The following BOD1L1 variants were observed in gnomAD, a reference collection of about 807,000 sequenced individuals.
BOD1L1 encodes biorientation of chromosomes in cell division 1 like 1, also known as biorientation of chromosomes in cell division protein 1-like 1.
In BOD1L1, 86 loss-of-function variants were observed where a neutral mutation model predicts 240.7. The observed-to-expected ratio is 0.36, with a 90% CI of 0.30 to 0.43. The LOEUF (loss-of-function observed/expected upper bound fraction) is 0.43. BOD1L1 is among the 20% of genes least tolerant of loss of function. The probability of loss-of-function intolerance (pLI) is 1.00; values close to 1 mark genes in which losing one functional copy is unlikely to be tolerated. For missense variants in BOD1L1, 3,554 were observed against 3,643.5 expected, an observed-to-expected ratio of 0.98 and a Z score of 0.63; for synonymous variants, 1,268 against 1,272.3, an observed-to-expected ratio of 1.00 and a Z score of 0.07.
At position 13,597,253 on chromosome 4, in the gene BOD1L1, T is replaced by C. The variant is rs1714702272; in HGVS notation, c.7955-85A>G. Reference sequence around the variant, plus strand: ...GTCAAAAAGTAATGGAATGTGGTTATCTGACATGCTGTTGCACCTTCCTTT... The same window carrying C: ...GTCAAAAAGTAATGGAATGTGGTTACCTGACATGCTGTTGCACCTTCCTTT... On this transcript the variant is annotated intron_variant, in intron 10 of 25. Coordinates refer to ENST00000040738, the MANE Select transcript of BOD1L1 (RefSeq NM_148894.3). 12 of 994,240 alleles carry C rather than the reference T, an allele frequency of 1.2e-5. No individual in the cohort carries two copies. In the South Asian group the frequency reaches 1.3e-4, roughly 10 times the overall value. 61.6% of individuals were successfully genotyped at this position (994,240 alleles called of 1,614,324 possible). A position where few individuals can be genotyped will look rare whatever the true frequency, so the allele number is the denominator to read the frequency against.
chr4:13,625,256 C>A (rs1178947604), intron 1 of BOD1L1: 1 of 152,202 alleles, frequency 6.6e-6, no homozygotes, highest in Non-Finnish European at 1.5e-5. Flanking sequence ...GGTTCCTGAA[C>A]TCACTGAAAC....
At chr4:13,612,813 G>C (rs558392610) in intron 5 of BOD1L1, among the ~76,000 whole-genome samples, 1 of 152,114 alleles carries the variant, frequency 6.6e-6, no homozygotes, top group Non-Finnish European at 1.5e-5. Context: ...ACCTCTAGAG[G>C]GGGTAGAGAC....
At chr4:13,588,438 C>G (rs900606898) in intron 15 of BOD1L1, among the ~76,000 whole-genome samples, 6 of 152,118 alleles carry the variant, frequency 3.9e-5, no homozygotes, top group African/African-American at 1.4e-4. Context: ...TATTTTTCTA[C>G]TGTCTTAGTG....
intron 25 of BOD1L1, among the ~76,000 whole-genome samples, chr4:13,574,388 T>G (rs1473431496): frequency 6.6e-6 from 1 of 152,040 alleles, no homozygotes; most frequent in Non-Finnish European, 1.5e-5. Flanking sequence ...GAATCTAAAC[T>G]AGAGAGAAAA....
Position 13,614,334 on chromosome 4 carries a change from AT to A in BOD1L1, c.1035del (p.Lys345AsnfsTer25), listed in dbSNP as rs1560215056. ...KKEKKEKTEK[K>X]FDHSKKSEDT... Reference sequence around the variant, plus strand: ...TCTTCACTCTTTTTTGAGTGATCAAATTTCTTTTCAGTCTTTTCCTTCTTTT... The same window carrying A: ...TCTTCACTCTTTTTTGAGTGATCAAATTCTTTTCAGTCTTTTCCTTCTTTT... On this transcript the variant is annotated frameshift_variant, in exon 4 of 26. Transcript: ENST00000040738. LOFTEE classifies it high-confidence loss of function. The A allele has an allele frequency of 6.5e-7, 1 of 1,550,096 alleles. No homozygotes were observed. Among genetic ancestry groups the A allele is most frequent in the African/African-American group, 1.4e-5 (1 of 72,772 alleles).
At chr4:13,589,278 T>A (rs1234466685) in intron 14 of BOD1L1, among the ~76,000 whole-genome samples, 1 of 152,202 alleles carries the variant, frequency 6.6e-6, no homozygotes, top group African/African-American at 2.4e-5. Context: ...GAGGTGCCTA[T>A]AACTGAGCAA....
In BOD1L1 at chr4:13,603,512, T is replaced by G. The variant is rs531101348; in HGVS notation, c.3388A>C (p.Asn1130His). Reference sequence around the variant, plus strand: ...TGGGTTTTAGATACTTCAAACACATTTTCAACACCTGGCTCAGAATCAATT... The same window carrying G: ...TGGGTTTTAGATACTTCAAACACATGTTCAACACCTGGCTCAGAATCAATT... The part of the protein sequence containing the change: ...MEIDSEPGVE[N>H]VFEVSKTQDN... Residue 1130 changes from asparagine to histidine, a missense_variant, in exon 10 of 26, where the codon AAT (asparagine) becomes CAT (histidine). Coordinates refer to ENST00000040738, the MANE Select transcript of BOD1L1 (RefSeq NM_148894.3). 6.2e-7 allele frequency: 1 copy of G among 1,614,020 alleles called. No individual in the cohort carries two copies. Among genetic ancestry groups the G allele is most frequent in the South Asian group, 1.1e-5 (1 of 91,080 alleles).
chr4:13,586,393 T>C lies in BOD1L1; in HGVS notation c.8433+3A>G. ...ACTTAAAACTAATATGTGGAAAAAA[T>C]ACCTTTGTGTCATGTGGCTCCGTTT... On this transcript the variant is annotated splice_donor_region_variant and intron_variant, in intron 17 of 25. Coordinates refer to ENST00000040738, the MANE Select transcript of BOD1L1 (RefSeq NM_148894.3). 6.2e-7 allele frequency: 1 copy of C among 1,605,486 alleles called. No individual in the cohort carries two copies. Among genetic ancestry groups the C allele is most frequent in the Non-Finnish European group, 8.5e-7 (1 of 1,174,072 alleles).
At chr4:13,588,203 GA>G (rs987953363) in intron 15 of BOD1L1, among the ~76,000 whole-genome samples, 29 of 140,440 alleles carry the variant, frequency 2.1e-4, no homozygotes, top group Non-Finnish European at 3.3e-4. Context: ...AAAAAAAAAA[GA>G]AAAAAAAATC....
In BOD1L1 at chr4:13,627,511, G is replaced by A. The variant is rs1354437668; in HGVS notation, c.77C>T (p.Pro26Leu). Residue 26 changes from proline to leucine, a missense_variant, in exon 1 of 26, where the codon CCG (proline) becomes CTG (leucine). Pro to Leu is a moderately conservative substitution (Grantham distance 98). This residue lies in a region of BOD1L1 where 161 missense variants were observed against 216.4 expected (regional missense o/e 0.74). Transcript: ENST00000040738. ...AGCCCCGGGGCCCGGCGGCGGCGGC[G>A]GTGGCTGCGGCTGCGGCTGCGGCGG... ...PPPPQPQPQP[P>L]PPPPGPGAGP... 10 of 1,037,720 alleles carry A rather than the reference G, an allele frequency of 9.6e-6. No individual in the cohort carries two copies. The highest frequency in any genetic ancestry group is 1.2e-5 in the Non-Finnish European group (10 of 864,140). The allele number at this position is 1,037,720 out of a possible 1,614,324, so 64.3% of individuals were successfully genotyped here.
rs772652673 is a variant in BOD1L1, at chr4:13,614,495, T to G, written c.875A>C (p.Asn292Thr). The stretch of plus-strand genomic sequence containing the variant: ...TAAATTATTATGCTCTTTTGTGTAA[T>G]TTTTAATTTCTTCGACTGGACAGGG... ...DLPCPVEEIK[N>T]YTKEHNNLIL... The change falls in exon 4 of 26, where the codon AAT becomes ACT. Residue 292 changes from asparagine to threonine, a missense_variant. Physicochemically the swap from Asn to Thr is moderately conservative, Grantham distance 65. Coordinates refer to ENST00000040738, the MANE Select transcript of BOD1L1 (RefSeq NM_148894.3). The G allele has an allele frequency of 2.1e-5, 34 of 1,613,812 alleles. No individual in the cohort carries two copies. In the South Asian group the frequency reaches 3.6e-4, roughly 17 times the overall value.
chr4:13,614,271 T>C lies in BOD1L1; in HGVS notation c.1099A>G (p.Lys367Glu). 51 of 1,546,362 alleles carry C rather than the reference T, an allele frequency of 3.3e-5. No homozygotes were observed. Among genetic ancestry groups the C allele is most frequent in the Non-Finnish European group, 4.5e-5 (51 of 1,145,564 alleles). Residue 367 changes from lysine (K) to glutamate (E), a missense_variant, in exon 4 of 26, where the codon AAA becomes GAA. Transcript: ENST00000040738. ...GGAAGTTTTAAACTCTCTACTTCTT[T>C]TTCCTTTGCTTGTTTTTCATCTTTA... The part of the protein sequence containing the change: ...KVKDEKQAKE[K>E]EVESLKLPSE...
intron 1 of BOD1L1, chr4:13,624,904 T>G (rs538950600): frequency 1.3e-5 from 2 of 152,328 alleles, no homozygotes; most frequent in African/African-American, 4.8e-5. Flanking sequence ...GAGGTTCAAG[T>G]GGCAGATGAA....
chr4:13,582,601 C>G, intron 18 of BOD1L1, 51 bp downstream of exon 18: 1 of 1,373,650 alleles, frequency 7.3e-7, no homozygotes, highest in Non-Finnish European at 1.0e-6. Context: ...GAGAGACACG[C>G]TGGCTGCTTT....
In BOD1L1 at chr4:13,613,296, T is replaced by G; in HGVS notation, c.1324+216A>C. The stretch of plus-strand genomic sequence containing the variant: ...TAATAATAATACTAGGGGATAGAGT[T>G]AAGGAATGAAGAACCAAGGGTTGTT... On this transcript the variant is annotated intron_variant, in intron 5 of 25. Coordinates refer to ENST00000040738, the MANE Select transcript of BOD1L1 (RefSeq NM_148894.3). This position sits in a 1 kb window ranked among gnomAD's most constrained non-coding sequence, Gnocchi z 4.0. Among the ~76,000 whole-genome samples, 1 of 152,156 alleles carries G rather than the reference T, an allele frequency of 6.6e-6. No individual in the cohort carries two copies. The highest frequency in any genetic ancestry group is 1.9e-4 in the East Asian group (1 of 5,198).
intron 15 of BOD1L1, among the ~76,000 whole-genome samples, chr4:13,588,246 C>T (rs895691653): frequency 2.0e-5 from 3 of 150,860 alleles, no homozygotes; most frequent in African/African-American, 4.9e-5. Flanking sequence ...TTGGATTAGA[C>T]TAATTTTGTA....
rs199565175 is a variant in BOD1L1 at position 13,598,964 on chromosome 4, C to T, written c.7936G>A (p.Glu2646Lys). The change falls in exon 10 of 26, where the codon GAA (glutamate) becomes AAA (lysine). Residue 2646 changes from glutamate (E) to lysine (K), a missense_variant. Glu to Lys is a moderately conservative substitution (Grantham distance 56). Coordinates refer to ENST00000040738, the MANE Select transcript of BOD1L1 (RefSeq NM_148894.3). ...TTCTCACCTATGTCACACACATTTT[C>T]TTCAGAAGACACAGTAACCATTATG... ...GDIMVTVSSEENVCDIGNEES... is the reference protein window; with the variant it reads ...GDIMVTVSSEKNVCDIGNEES... 68 of 1,607,300 alleles carry T rather than the reference C, an allele frequency of 4.2e-5. No individual in the cohort carries two copies. The East Asian group carries it at 1.5e-3, about 35-fold the overall frequency.
intron 6 of BOD1L1, among the ~76,000 whole-genome samples, chr4:13,610,291 C>T (rs1228345265): frequency 6.6e-6 from 1 of 152,178 alleles, no homozygotes; most frequent in Non-Finnish European, 1.5e-5. Context: ...AGGTAAATAG[C>T]ATTTCCATAT....
intron 17 of BOD1L1, among the ~76,000 whole-genome samples, chr4:13,585,770 C>T (rs1713629197): frequency 2.0e-5 from 3 of 152,104 alleles, no homozygotes; most frequent in Admixed American, 6.6e-5. Flanking sequence ...CTGTGCTGTT[C>T]TCCTGACAGT....
Sources: gnomAD v4.1 joint callset for allele counts (sites outside exome capture counted in the v4.1 genomes callset) on GRCh38, gnomAD v4.1.1 for gene constraint, gnomAD v4.1.1 regional missense constraint, Gnocchi (gnomAD v3.1) non-coding constraint, MANE v1.5 for transcripts, NCBI Gene and HGNC (gene_info 2026-07-23, HGNC 2026-07-21) for gene names.